Variants in GLUD1 observed in about 807,000 individuals in gnomAD.
GLUD1 encodes the protein glutamate dehydrogenase 1.
In GLUD1, 22 loss-of-function variants were observed where a neutral mutation model predicts 56.0. That is an observed-to-expected ratio of 0.39 (90% CI 0.28 to 0.56). GLUD1 has a LOEUF of 0.56. Ranked by LOEUF, GLUD1 falls within the 20% of genes least tolerant of loss-of-function variation. The pLI is 0.58. For missense variants in GLUD1, 451 were observed against 732.0 expected, an observed-to-expected ratio of 0.62 and a Z score of 4.43; for synonymous variants, 223 against 269.9, an observed-to-expected ratio of 0.83 and a Z score of 1.70.
At chr10:87,070,242 C>T (rs1846193510) in intron 4 of GLUD1, among the ~76,000 whole-genome samples, 1 of 151,046 alleles carries the variant, frequency 6.6e-6, no homozygotes, top group African/African-American at 2.4e-5. Context: ...GGCTTGAGTC[C>T]AGGAATTTGA....
chr10:87,083,033 G>T (rs1841298508), intron 1 of GLUD1, among the ~76,000 whole-genome samples: 1 of 152,106 alleles, frequency 6.6e-6, no homozygotes, highest in Non-Finnish European at 1.5e-5. Flanking sequence ...TTGAGGTCAG[G>T]AGTTTGAGAC....
chr10:87,090,024 T>C (rs1161660759), intron 1 of GLUD1, among the ~76,000 whole-genome samples: 2 of 152,200 alleles, frequency 1.3e-5, no homozygotes, highest in African/African-American at 2.4e-5. Context: ...AAAGTGATAC[T>C]AGAGATTTTT....
intron 1 of GLUD1, among the ~76,000 whole-genome samples, chr10:87,080,740 G>A (rs1056781586): frequency 6.2e-4 from 93 of 149,930 alleles, no homozygotes; most frequent in Non-Finnish European, 9.8e-4. Flanking sequence ...CCCTCCGCCT[G>A]GCAGCCGCCC....
chr10:87,085,100 T>A (rs1841350158), intron 1 of GLUD1, among the ~76,000 whole-genome samples: 1 of 151,712 alleles, frequency 6.6e-6, no homozygotes, highest in Non-Finnish European at 1.5e-5. Flanking sequence ...ATCCCAGCAC[T>A]TTGGGAGGCT....
At chr10:87,083,630 G>A (rs887952885) in intron 1 of GLUD1, among the ~76,000 whole-genome samples, 16 of 152,208 alleles carry the variant, frequency 1.1e-4, no homozygotes, top group Non-Finnish European at 1.9e-4. Context: ...AAACTAGAAG[G>A]AGGAAGGAAG....
intron 3 of GLUD1, among the ~76,000 whole-genome samples, chr10:87,075,476 T>A (rs1168029702): frequency 6.6e-6 from 1 of 152,096 alleles, no homozygotes; most frequent in African/African-American, 2.4e-5. Context: ...ATTAAGTAGG[T>A]GATCTTTATA....
chr10:87,052,669 C>CAAAA lies in GLUD1; in HGVS notation c.1557+669_1557+672dup, dbSNP rs751155208. ...TGGGCAACAGGGCAAAACTCCGTCT[C>CAAAA]AAAAAAAAAAAAAAAAAAAAAAAAA... On this transcript the variant is annotated intron_variant, in intron 12 of 12. Transcript: ENST00000277865. Among the ~76,000 whole-genome samples the CAAAA allele has an allele frequency of 1.9e-4, 8 of 41,736 alleles. 1 individual carries two copies. The highest frequency in any genetic ancestry group is 3.5e-4 in the African/African-American group (5 of 14,444). The allele number at this position is 41,736 out of a possible 152,430, so 27.4% of individuals were successfully genotyped here.
intron 1 of GLUD1, among the ~76,000 whole-genome samples, chr10:87,086,308 C>G (rs1841380448): frequency 6.6e-6 from 1 of 152,188 alleles, no homozygotes; most frequent in Non-Finnish European, 1.5e-5. Context: ...TTTTTTTCTA[C>G]CAGTCTCTCA....
intron 4 of GLUD1, among the ~76,000 whole-genome samples, chr10:87,069,757 G>A (rs1443738259): frequency 6.6e-6 from 1 of 152,192 alleles, no homozygotes; most frequent in East Asian, 1.9e-4. Flanking sequence ...GTCAAGGATC[G>A]CTTTTTATAC....
chr10:87,067,130 A>G (rs1168856400), intron 5 of GLUD1, among the ~76,000 whole-genome samples: 1 of 152,268 alleles, frequency 6.6e-6, no homozygotes, highest in Admixed American at 6.5e-5. Context: ...CACTGCTGCC[A>G]GCCTATTCTT....
chr10:87,060,298 C>G, intron 8 of GLUD1, 57 bp from the exon 9 acceptor site: 7 of 1,122,470 alleles, frequency 6.2e-6, no homozygotes, highest in Non-Finnish European at 8.2e-6. Context: ...ATCCCCTCCA[C>G]TGAGGGCAAG....
chr10:87,077,760 C>T (rs1272077874), intron 1 of GLUD1, among the ~76,000 whole-genome samples: 1 of 151,942 alleles, frequency 6.6e-6, no homozygotes, highest in African/African-American at 2.4e-5. Flanking sequence ...TTTGACTGCA[C>T]AGTGCTTGGG....
At chr10:87,067,543 T>C (rs901826657) in intron 5 of GLUD1, among the ~76,000 whole-genome samples, 4 of 152,204 alleles carry the variant, frequency 2.6e-5, no homozygotes, top group Non-Finnish European at 5.9e-5. Context: ...TTACTTTCTA[T>C]TACCTTTATA....
intron 1 of GLUD1, among the ~76,000 whole-genome samples, chr10:87,085,005 G>A (rs1396533445): frequency 2.0e-5 from 3 of 152,184 alleles, no homozygotes; most frequent in African/African-American, 7.2e-5. Context: ...TAAAAATTCA[G>A]ACATTCAGCA....
chr10:87,094,617 G>A lies in GLUD1; in HGVS notation c.153C>T (p.Arg51=), dbSNP rs757936317. ...GGTCGGCCACCGCCTCGCTGTAGTG[G>A]CGCCGGGCGGCCAATGCCAGCCCCG... ...PQPGLALAAR[R]HYSEAVADRE... Residue 51 remains arginine (R), a synonymous_variant, in exon 1 of 13, where the codon CGC becomes CGT. Transcript: ENST00000277865. This position sits in a 1 kb window ranked among gnomAD's most constrained non-coding sequence, Gnocchi z 6.6. The A allele has an allele frequency of 2.4e-5, 39 of 1,610,104 alleles. No individual in the cohort carries two copies. Among genetic ancestry groups the A allele is most frequent in the Non-Finnish European group, 3.2e-5 (38 of 1,179,476 alleles).
chr10:87,094,763 G>T lies in GLUD1; in HGVS notation c.7C>A (p.Arg3Ser), dbSNP rs1439498932. ...AGCAACAGCGCTTCGCCCAGGTAGC[G>T]GTACATGGCCACAAGCGGAGGGGAG... Reference protein sequence around the residue: MYRYLGEALLLSR... With the variant: MYSYLGEALLLSR... Residue 3 changes from arginine to serine, a missense_variant, in exon 1 of 13, where the codon CGC becomes AGC. By Grantham distance (110) the Arg-to-Ser change is moderately radical. Coordinates refer to ENST00000277865, the MANE Select transcript of GLUD1 (RefSeq NM_005271.5). The surrounding 1 kb of genome is among the most constrained non-coding windows in gnomAD (Gnocchi z 6.6). 5.2e-6 allele frequency: 8 copies of T among 1,538,702 alleles called. No individual in the cohort carries two copies. The highest frequency in any genetic ancestry group is 2.7e-5 in the East Asian group (1 of 37,380).
rs772691475 is a variant in GLUD1, at chr10:87,075,980, G to A, written c.570C>T (p.Pro190=). 7 of 1,590,026 alleles carry A rather than the reference G, an allele frequency of 4.4e-6. No homozygotes were observed. The African/African-American group carries it at 9.4e-5, about 21-fold the overall frequency. ...GGAKAGVKIN[P]KNYTDNELEK... ...CTTTCATACTTACAGTATAGTTCTT[G>A]GGATTGATCTTAACACCAGCTTTAG... The change falls in exon 3 of 13, where the codon CCC becomes CCT. Residue 190 remains proline, a synonymous_variant. Transcript: ENST00000277865.
In GLUD1 at chr10:87,051,755, G is replaced by T; in HGVS notation, c.1673C>A (p.Thr558Lys). ...AGGAAGTCAGCCATGATCCATCTATGTGAAGGTCACACCAGCTTCATTGTA... is the reference window on the plus strand; with the variant it reads ...AGGAAGTCAGCCATGATCCATCTATTTGAAGGTCACACCAGCTTCATTGTA... ...KVYNEAGVTF[T>K] The change falls in exon 13 of 13, where the codon ACA (threonine) becomes AAA (lysine). Residue 558 changes from threonine (T) to lysine (K), a missense_variant. Coordinates refer to ENST00000277865, the MANE Select transcript of GLUD1 (RefSeq NM_005271.5). The T allele has an allele frequency of 6.2e-7, 1 of 1,612,472 alleles. No homozygotes were observed. The highest frequency in any genetic ancestry group is 8.5e-7 in the Non-Finnish European group (1 of 1,179,948).
Position 87,057,046 on chromosome 10 carries a change from A to G in GLUD1, c.1494+645T>C, listed in dbSNP as rs559661601. On this transcript the variant is annotated intron_variant, in intron 11 of 12. Transcript: ENST00000277865. ...CTCTCTGTTGCTCAGGCTAGAGTGC[A>G]GTGGTGCAATCTCGGCTAACTGCAA... is the stretch of plus-strand genomic sequence containing the variant. 3.3e-5 allele frequency among the ~76,000 whole-genome samples: 5 copies of G among 152,066 alleles called. No individual in the cohort carries two copies. In the South Asian group the frequency reaches 1.0e-3, roughly 32 times the overall value.
Sources: allele counts gnomAD v4.1 joint callset (sites outside exome capture counted in the v4.1 genomes callset), GRCh38; gene constraint gnomAD v4.1.1; non-coding constraint Gnocchi (gnomAD v3.1); transcripts MANE v1.5; gene names NCBI Gene and HGNC (gene_info 2026-07-23, HGNC 2026-07-21).